DOP1B: variants seen among roughly 807,000 people sequenced by gnomAD.
DOP1B encodes the protein protein DOP1B.
Under a neutral mutation model 233.5 loss-of-function variants are expected in DOP1B, and 174 were observed. That is an observed-to-expected ratio of 0.75 (90% CI 0.66 to 0.85). The LOEUF (loss-of-function observed/expected upper bound fraction) is 0.85, where lower values mean the gene tolerates loss of function less well. DOP1B is among the 40% of genes least tolerant of loss of function. The pLI is 0.00. For missense variants in DOP1B, 2,652 were observed against 2,846.6 expected (o/e 0.93, Z 1.56); for synonymous variants, 1,190 against 1,185.6 (o/e 1.00, Z -0.08).
intron 2 of DOP1B, among the ~76,000 whole-genome samples, chr21:36,175,085 T>G (rs549484812): frequency 6.6e-6 from 1 of 151,984 alleles, no homozygotes; most frequent in South Asian, 2.1e-4. Context: ...TCCCTCTGGG[T>G]GTATCTGTAT....
intron 1 of DOP1B, among the ~76,000 whole-genome samples, chr21:36,157,958 A>AATT (rs913731279): frequency 8.6e-5 from 13 of 150,948 alleles, no homozygotes; most frequent in East Asian, 1.9e-4. Flanking sequence ...TCTTTTTCTA[A>AATT]ATTATTATTA....
At chr21:36,229,270 G>T (rs1035417519) in intron 13 of DOP1B, among the ~76,000 whole-genome samples, 1 of 152,152 alleles carries the variant, frequency 6.6e-6, no homozygotes, top group Non-Finnish European at 1.5e-5. Context: ...GAAGGCCAGG[G>T]CCTGACACGA....
intron 32 of DOP1B, among the ~76,000 whole-genome samples, chr21:36,286,859 G>A (rs2067490102): frequency 6.6e-6 from 1 of 151,928 alleles, no homozygotes; most frequent in Non-Finnish European, 1.5e-5. Flanking sequence ...AACTACTCTG[G>A]AGGCTGAGGC....
intron 2 of DOP1B, among the ~76,000 whole-genome samples, chr21:36,197,414 G>T (rs1208971010): frequency 6.6e-6 from 1 of 152,198 alleles, no homozygotes; most frequent in African/African-American, 2.4e-5. Context: ...TGGCCCTGTG[G>T]TCATGAGGCT....
chr21:36,234,912 A>T (rs1385084311), intron 15 of DOP1B, among the ~76,000 whole-genome samples: 1 of 152,204 alleles, frequency 6.6e-6, no homozygotes, highest in Non-Finnish European at 1.5e-5. Flanking sequence ...ACACATTTAT[A>T]CATTGTATGA....
At position 36,248,520 on chromosome 21, in the gene DOP1B, C is replaced by A. The variant is rs1355737169; in HGVS notation, c.4950C>A (p.Leu1650=). 6.2e-7 allele frequency: 1 copy of A among 1,613,736 alleles called. No homozygotes were observed. The highest frequency in any genetic ancestry group is 1.7e-5 in the Admixed American group (1 of 59,896). The change falls in exon 21 of 37, where the codon CTC becomes CTA. Residue 1650 remains leucine (L), a synonymous_variant. Transcript: ENST00000691173. ...AGACTCAAAAGAGACCTGTCGATCT[C>A]CTAGGGGCCACGAAGGGATCCTCTT... ...KEETQKRPVD[L]LGATKGSSSV... is the part of the protein sequence containing the mutation.
At position 36,190,347 on chromosome 21, in the gene DOP1B, T is replaced by A. The variant is rs959602560; in HGVS notation, c.139-8723T>A. On this transcript the variant is annotated intron_variant, in intron 2 of 36. Transcript: ENST00000691173. ...TCTCTAAATAAATAAATTAATTAAA[T>A]TAAAAGTGATTTTGAAAACATGGCC... is the stretch of plus-strand genomic sequence containing the variant. Among the ~76,000 whole-genome samples the A allele has an allele frequency of 2.0e-5, 3 of 151,642 alleles. No homozygotes were observed. In the East Asian group the frequency reaches 5.8e-4, roughly 30 times the overall value.
At chr21:36,288,990 G>T in intron 34 of DOP1B, 55 bp from the exon 35 acceptor site, 1 of 1,583,206 alleles carries the variant, frequency 6.3e-7, no homozygotes, top group South Asian at 1.2e-5. Context: ...ATAGGTGAAT[G>T]GACTATAACA....
chr21:36,211,205 A>G (rs1197572272), intron 5 of DOP1B, among the ~76,000 whole-genome samples: 1 of 152,214 alleles, frequency 6.6e-6, no homozygotes, highest in Admixed American at 6.5e-5. Context: ...CAGAATATCT[A>G]CTGAATTGAT....
Position 36,238,704 on chromosome 21 carries a change from G to GAGGC in DOP1B, c.2876+4_2876+7dup. ...TCTCACAATCGCTCCTTTGATAGGT[G>GAGGC]AGGCGGCCTTCGTTATGATCTACCG... On this transcript the variant is annotated splice_donor_region_variant and intron_variant, in intron 17 of 36. Transcript: ENST00000691173. The GAGGC allele has an allele frequency of 6.2e-7, 1 of 1,614,114 alleles. No homozygotes were observed. The highest frequency in any genetic ancestry group is 8.5e-7 in the Non-Finnish European group (1 of 1,179,952).
chr21:36,227,867 G>A lies in DOP1B; in HGVS notation c.1655G>A (p.Ser552Asn), dbSNP rs771648647. ...TCCTACCTCGACACGGAGTCCACCA[G>A]CGGAACCTCGGTGTGTACTCTGAGG... ...PPSYLDTESTSGTSSPVKGEN... is the reference protein window; with the variant it reads ...PPSYLDTESTNGTSSPVKGEN... The change falls in exon 13 of 37, where the codon AGC (serine) becomes AAC (asparagine). Residue 552 changes from serine (S) to asparagine (N), a missense_variant. Coordinates refer to ENST00000691173, the MANE Select transcript of DOP1B (RefSeq NM_001320714.2). 6.3e-7 allele frequency: 1 copy of A among 1,598,768 alleles called. No homozygotes were observed. Among genetic ancestry groups the A allele is most frequent in the South Asian group, 1.1e-5 (1 of 89,998 alleles).
intron 5 of DOP1B, among the ~76,000 whole-genome samples, chr21:36,211,065 A>G (rs1051570610): frequency 3.9e-5 from 6 of 152,170 alleles, no homozygotes; most frequent in Admixed American, 3.3e-4. Flanking sequence ...CTTCAAGCCC[A>G]GCTTTCCCGT....
chr21:36,167,929 C>CTT lies in DOP1B; in HGVS notation c.138+3061_138+3062dup, dbSNP rs1568996068. 9.6e-3 allele frequency among the ~76,000 whole-genome samples: 933 copies of CTT among 97,320 alleles called. 106 individuals are homozygous for CTT. Among genetic ancestry groups the CTT allele is most frequent in the African/African-American group, 0.029 (744 of 26,038 alleles). 63.8% of individuals were successfully genotyped at this position (97,320 alleles called of 152,430 possible). The stretch of plus-strand genomic sequence containing the variant: ...GGTAAGTCACATTTTCTTTTCTTTT[C>CTT]TTTTCTTTTTCTTTTTTTTTTTTTT... On this transcript the variant is annotated intron_variant, in intron 2 of 36. Transcript: ENST00000691173.
At position 36,245,310 on chromosome 21, in the gene DOP1B, C is replaced by A. The variant is rs149830805; in HGVS notation, c.3330C>A (p.Thr1110=). Residue 1110 remains threonine, a synonymous_variant, in exon 19 of 37, where the codon ACC becomes ACA. Transcript: ENST00000691173. This position sits in a 1 kb window ranked among gnomAD's most constrained non-coding sequence, Gnocchi z 5.5. ...GCGCCCCGGACAGCAGCGAGCACAC[C>A]GAGTCTGCAGATACAAGCTCCTGCC... ...AHGAPDSSEH[T]ESADTSSCHT... 2.5e-6 allele frequency: 4 copies of A among 1,614,090 alleles called. No individual in the cohort carries two copies. The East Asian group carries it at 6.7e-5, about 27-fold the overall frequency.
chr21:36,232,666 CG>C, intron 14 of DOP1B, 137 bp from the exon 15 acceptor site: 4 of 1,135,390 alleles, frequency 3.5e-6, no homozygotes, highest in Non-Finnish European at 5.0e-6. Context: ...GTCTCACCAG[CG>C]GGAGGTTAGC....
Position 36,246,111 on chromosome 21 carries a change from G to T in DOP1B, c.4131G>T (p.Leu1377Phe), listed in dbSNP as rs757073367. ...EGKNVEFIHSLLQRCKVQEFV... is the reference protein window; with the variant it reads ...EGKNVEFIHSFLQRCKVQEFV... ...AGAACGTGGAGTTCATCCACAGCTT[G>T]CTGCAGAGGTGCAAAGTTCAGGAGT... is the stretch of plus-strand genomic sequence containing the variant. Residue 1377 changes from leucine (L) to phenylalanine (F), a missense_variant, in exon 19 of 37, where the codon TTG (leucine) becomes TTT (phenylalanine). By Grantham distance (22) the Leu-to-Phe change is conservative. This residue lies in a region of DOP1B where 2,617 missense variants were observed against 2,794.3 expected (regional missense o/e 0.94). Coordinates refer to ENST00000691173, the MANE Select transcript of DOP1B (RefSeq NM_001320714.2). The surrounding 1 kb of genome is among the most constrained non-coding windows in gnomAD (Gnocchi z 5.1). The T allele has an allele frequency of 1.2e-6, 2 of 1,614,130 alleles. No homozygotes were observed. The highest frequency in any genetic ancestry group is 1.7e-6 in the Non-Finnish European group (2 of 1,180,034).
Position 36,238,715 on chromosome 21 carries a change from C to A in DOP1B, c.2876+14C>A, listed in dbSNP as rs78062767. On this transcript the variant is annotated intron_variant, in intron 17 of 36. Transcript: ENST00000691173. The stretch of plus-strand genomic sequence containing the variant: ...CTCCTTTGATAGGTGAGGCGGCCTT[C>A]GTTATGATCTACCGTTAACTCACGA... 4 of 1,613,166 alleles carry A rather than the reference C, an allele frequency of 2.5e-6. No individual in the cohort carries two copies. The highest frequency in any genetic ancestry group is 3.4e-6 in the Non-Finnish European group (4 of 1,179,150).
At position 36,219,401 on chromosome 21, in the gene DOP1B, G is replaced by C; in HGVS notation, c.1159G>C (p.Glu387Gln). Reference sequence around the variant, plus strand: ...TCAAGTGGTTGGGAATTTGTTTCTCGAAGTCATCAGGGCCTTTTATTCTTA... The same window carrying C: ...TCAAGTGGTTGGGAATTTGTTTCTCCAAGTCATCAGGGCCTTTTATTCTTA... ...GPQVVGNLFL[E>Q]VIRAFYSYCR... The change falls in exon 10 of 37, where the codon GAA becomes CAA. Residue 387 changes from glutamate (E) to glutamine (Q), a missense_variant. Physicochemically the swap from Glu to Gln is conservative, Grantham distance 29. Transcript: ENST00000691173. 6.2e-7 allele frequency: 1 copy of C among 1,614,080 alleles called. No homozygotes were observed. The highest frequency in any genetic ancestry group is 8.5e-7 in the Non-Finnish European group (1 of 1,180,016).
chr21:36,241,242 C>T (rs954241252), intron 18 of DOP1B, among the ~76,000 whole-genome samples: 1 of 151,318 alleles, frequency 6.6e-6, no homozygotes, highest in African/African-American at 2.4e-5. Flanking sequence ...TGCAGTGAGC[C>T]AAGATCACAC....
Sources: allele counts gnomAD v4.1 joint callset (sites outside exome capture counted in the v4.1 genomes callset), GRCh38; gene constraint gnomAD v4.1.1; regional missense constraint gnomAD v4.1.1; non-coding constraint Gnocchi (gnomAD v3.1); transcripts MANE v1.5; gene names NCBI Gene and HGNC (gene_info 2026-07-23, HGNC 2026-07-21).